Variants in RIT2 observed in about 807,000 individuals in gnomAD.
RIT2 encodes the protein GTP-binding protein Rit2.
RIT2 carries 24 observed loss-of-function variants against 23.7 expected under a neutral mutation model. The observed-to-expected ratio is 1.01, with a 90% CI of 0.73 to 1.43. The LOEUF (loss-of-function observed/expected upper bound fraction) is 1.43, where lower values mean the gene tolerates loss of function less well. Among genes scored for constraint, RIT2 ranks in the 40% most tolerant of loss-of-function variants. RIT2 has a pLI of 0.00. For missense variants in RIT2, 236 were observed against 266.9 expected (o/e 0.88, Z 0.81); for synonymous variants, 107 against 91.1 (o/e 1.17, Z -0.99).
intron 4 of RIT2, among the ~76,000 whole-genome samples, chr18:42,764,309 T>C (rs922260017): frequency 1.3e-5 from 2 of 152,216 alleles, no homozygotes; most frequent in African/African-American, 2.4e-5. Context: ...TAATGATCTC[T>C]TAAATTTGTT....
intron 4 of RIT2, among the ~76,000 whole-genome samples, chr18:42,893,375 T>C (rs1168835950): frequency 1.3e-5 from 2 of 152,132 alleles, no homozygotes; most frequent in Non-Finnish European, 2.9e-5. Context: ...GTAGATTCAG[T>C]GTTGGATGTG....
intron 1 of RIT2, among the ~76,000 whole-genome samples, chr18:43,090,940 G>C (rs1181497679): frequency 6.6e-6 from 1 of 151,758 alleles, no homozygotes; most frequent in African/African-American, 2.4e-5. Context: ...TAATATCTGG[G>C]GGATGAAATA....
At chr18:42,978,756 C>T (rs975515701) in intron 2 of RIT2, among the ~76,000 whole-genome samples, 3 of 152,074 alleles carry the variant, frequency 2.0e-5, no homozygotes, top group Admixed American at 1.3e-4. Context: ...ATATCTTCTC[C>T]ACTGTCCCTC....
chr18:43,110,637 G>A (rs774032671), intron 1 of RIT2, among the ~76,000 whole-genome samples: 1 of 152,072 alleles, frequency 6.6e-6, no homozygotes, highest in Non-Finnish European at 1.5e-5. Flanking sequence ...AAGGCTAAAA[G>A]AAGATGCCTA....
At chr18:42,978,392 A>G (rs909168908) in intron 2 of RIT2, among the ~76,000 whole-genome samples, 1 of 151,908 alleles carries the variant, frequency 6.6e-6, no homozygotes, top group Non-Finnish European at 1.5e-5. Context: ...CCTCCATAGA[A>G]ACTAATCCTT....
At chr18:43,046,326 T>G (rs1912245799) in intron 1 of RIT2, among the ~76,000 whole-genome samples, 1 of 152,250 alleles carries the variant, frequency 6.6e-6, no homozygotes, top group African/African-American at 2.4e-5. Context: ...TAGAACAGAT[T>G]GTGACCACAT....
Position 42,992,772 on chromosome 18 carries a change from C to T in RIT2, c.161-18625G>A, listed in dbSNP as rs139922899. Among the ~76,000 whole-genome samples the T allele has an allele frequency of 2.5e-3, 388 of 152,202 alleles. 1 individual carries two copies. Among genetic ancestry groups the T allele is most frequent in the Non-Finnish European group, 4.5e-3 (308 of 68,010 alleles). On this transcript the variant is annotated intron_variant, in intron 2 of 4. Transcript: ENST00000326695. Reference sequence around the variant, plus strand: ...TCCAACCTCTCCCAAAATCAGTTAGCGTTTAGGCTCTTTCTCATCAAATAT... The same window carrying T: ...TCCAACCTCTCCCAAAATCAGTTAGTGTTTAGGCTCTTTCTCATCAAATAT...
rs185068762 is a variant in RIT2, at chr18:42,933,892, C to G, written c.235-10129G>C. ...AATTAGCTGGGCGTGGTGATGCATGCCTGTAATCCCAGCTACTCGGGAGGC... is the reference window on the plus strand; with the variant it reads ...AATTAGCTGGGCGTGGTGATGCATGGCTGTAATCCCAGCTACTCGGGAGGC... On this transcript the variant is annotated intron_variant, in intron 3 of 4. Transcript: ENST00000326695. Among the ~76,000 whole-genome samples the G allele has an allele frequency of 7.9e-5, 12 of 151,960 alleles. No homozygotes were observed. In the East Asian group the frequency reaches 2.3e-3, roughly 30 times the overall value.
At chr18:42,895,459 ATAT>A (rs915249161) in intron 4 of RIT2, among the ~76,000 whole-genome samples, 1 of 152,154 alleles carries the variant, frequency 6.6e-6, no homozygotes, top group African/African-American at 2.4e-5. Flanking sequence ...TTTCAAATAC[ATAT>A]TATTATTTTT....
intron 3 of RIT2, among the ~76,000 whole-genome samples, chr18:42,955,029 G>T (rs1909940073): frequency 1.3e-5 from 2 of 152,266 alleles, no homozygotes; most frequent in Non-Finnish European, 2.9e-5. Context: ...ACACACTGGT[G>T]TCTCCATGCA....
At chr18:43,056,370 A>G (rs1418663619) in intron 1 of RIT2, among the ~76,000 whole-genome samples, 2 of 152,112 alleles carry the variant, frequency 1.3e-5, no homozygotes, top group Admixed American at 1.3e-4. Flanking sequence ...AAAACGATGA[A>G]AGTAATATTC....
intron 2 of RIT2, among the ~76,000 whole-genome samples, chr18:42,984,505 C>G (rs1450397835): frequency 6.6e-6 from 1 of 151,980 alleles, no homozygotes; most frequent in Non-Finnish European, 1.5e-5. Context: ...CTGTTTGTGA[C>G]ACTTCGTTAC....
At position 42,755,785 on chromosome 18, in the gene RIT2, G is replaced by A. The variant is rs567536076; in HGVS notation, c.427-12065C>T. 3.0e-4 allele frequency among the ~76,000 whole-genome samples: 46 copies of A among 152,220 alleles called. 1 individual carries two copies. In the South Asian group the frequency reaches 8.7e-3, roughly 29 times the overall value. On this transcript the variant is annotated intron_variant, in intron 4 of 4. Transcript: ENST00000326695. Reference sequence around the variant, plus strand: ...ACAATAAACAGAGGAGTTGGTTGTCGATTTAGACAAATAGACAAATTAAAA... The same window carrying A: ...ACAATAAACAGAGGAGTTGGTTGTCAATTTAGACAAATAGACAAATTAAAA...
intron 4 of RIT2, among the ~76,000 whole-genome samples, chr18:42,747,824 T>G (rs59126171): frequency 2.6e-5 from 4 of 152,174 alleles, no homozygotes; most frequent in African/African-American, 9.6e-5. Flanking sequence ...TTAGGATAAT[T>G]GGCAAGCCAC....
At chr18:42,937,699 G>A (rs532677732) in intron 3 of RIT2, among the ~76,000 whole-genome samples, 8 of 152,176 alleles carry the variant, frequency 5.3e-5, no homozygotes, top group East Asian at 1.9e-4. Flanking sequence ...TTAGATTGAC[G>A]GGAAAAGATG....
intron 3 of RIT2, among the ~76,000 whole-genome samples, chr18:42,970,396 G>A (rs1910334310): frequency 6.6e-6 from 1 of 151,996 alleles, no homozygotes; most frequent in African/African-American, 2.4e-5. Context: ...CTGGAAAGAT[G>A]CTTAGGGTAC....
chr18:42,772,583 C>T (rs1240546704), intron 4 of RIT2, among the ~76,000 whole-genome samples: 1 of 152,056 alleles, frequency 6.6e-6, no homozygotes, highest in Non-Finnish European at 1.5e-5. Context: ...CCTACTAAAA[C>T]CTCTGTAATT....
At chr18:42,931,961 A>G (rs769850751) in intron 3 of RIT2, among the ~76,000 whole-genome samples, 5 of 152,184 alleles carry the variant, frequency 3.3e-5, no homozygotes, top group Non-Finnish European at 7.4e-5. Flanking sequence ...CTTTCTCTGA[A>G]AAAGCTTCAC....
intron 1 of RIT2, among the ~76,000 whole-genome samples, chr18:43,044,814 C>T (rs1912208657): frequency 6.6e-6 from 1 of 152,080 alleles, no homozygotes; most frequent in Non-Finnish European, 1.5e-5. Context: ...GAGTGTTTTT[C>T]CTTCTATGGA....
Sources: gnomAD v4.1 joint callset for allele counts (sites outside exome capture counted in the v4.1 genomes callset) on GRCh38, gnomAD v4.1.1 for gene constraint, MANE v1.5 for transcripts, NCBI Gene and HGNC (gene_info 2026-07-23, HGNC 2026-07-21) for gene names.